The following FEM1C variants were observed in gnomAD, a reference collection of about 807,000 sequenced individuals.
The protein encoded by FEM1C is protein fem-1 homolog C.
A neutral mutation model predicts 37.6 loss-of-function variants in FEM1C; 15 were observed. The ratio of observed to expected loss-of-function variants is 0.40; its 90% CI spans 0.27 to 0.61. The LOEUF (loss-of-function observed/expected upper bound fraction) is 0.61, where lower values mean the gene tolerates loss of function less well. Ranked by LOEUF, FEM1C falls within the 20% of genes least tolerant of loss-of-function variation. The pLI is 0.42. For synonymous variants in FEM1C, 287 were observed against 272.8 expected (o/e 1.05, Z -0.51); for missense variants, 532 against 749.7 (o/e 0.71, Z 3.39).
At chr5:115,530,455 A>G (rs1753990897) in intron 2 of FEM1C, among the ~76,000 whole-genome samples, 1 of 152,162 alleles carries the variant, frequency 6.6e-6, no homozygotes, top group Non-Finnish European at 1.5e-5. Context: ...ACATCTAAAC[A>G]TATCTTTCTC....
rs1309366127 is a variant in FEM1C at position 115,543,362 on chromosome 5, T to C, written c.132A>G (p.Pro44=). ...LISEKTNGAT[P]LLMAARYGHL... is the part of the protein sequence containing the mutation. ...GCCCATACCTGGCGGCCATCAAGAG[T>C]GGCGTGGCCCCATTTGTTTTTTCAG... is the stretch of plus-strand genomic sequence containing the variant. The change falls in exon 2 of 3, where the codon CCA becomes CCG. Residue 44 remains proline, a synonymous_variant. Coordinates refer to ENST00000274457, the MANE Select transcript of FEM1C (RefSeq NM_020177.3). The C allele has an allele frequency of 6.2e-7, 1 of 1,613,988 alleles. No individual in the cohort carries two copies. The highest frequency in any genetic ancestry group is 1.3e-5 in the African/African-American group (1 of 74,902).
rs1561556055 is a variant in FEM1C, at chr5:115,525,143, T to C, written c.1019A>G (p.Tyr340Cys). The change falls in exon 3 of 3, where the codon TAT (tyrosine) becomes TGT (cysteine). Residue 340 changes from tyrosine to cysteine, a missense_variant. Coordinates refer to ENST00000274457, the MANE Select transcript of FEM1C (RefSeq NM_020177.3). ...LGPSHPDTSY[Y>C]IRYRGAVYAD... ...ATAGACAGCGCCTCTATATCTAATA[T>C]AGTAAGAGGTATCAGGATGAGAAGG... 1.9e-6 allele frequency: 3 copies of C among 1,613,736 alleles called. No individual in the cohort carries two copies. The highest frequency in any genetic ancestry group is 1.1e-5 in the South Asian group (1 of 91,084).
intron 2 of FEM1C, among the ~76,000 whole-genome samples, chr5:115,542,577 AC>A (rs748264726): frequency 1.4e-4 from 21 of 146,866 alleles, no homozygotes; most frequent in African/African-American, 4.3e-4. Flanking sequence ...AAAAAAAAAA[AC>A]AAAACAAAAA....
chr5:115,532,304 C>G (rs1463991952), intron 2 of FEM1C, among the ~76,000 whole-genome samples: 1 of 152,066 alleles, frequency 6.6e-6, no homozygotes, highest in Non-Finnish European at 1.5e-5. Context: ...AACTAGCAAC[C>G]TGCTAAAGCT....
chr5:115,542,916 T>C, intron 2 of FEM1C, 34 bp downstream of exon 2: 2 of 1,582,706 alleles, frequency 1.3e-6, no homozygotes, highest in Non-Finnish European at 1.7e-6. Context: ...AAATAAGTGG[T>C]AGACATTTAG....
intron 2 of FEM1C, among the ~76,000 whole-genome samples, chr5:115,537,159 A>C (rs1754146171): frequency 6.6e-6 from 1 of 152,032 alleles, no homozygotes; most frequent in African/African-American, 2.4e-5. Context: ...GTCTCTCCCT[A>C]TCTCTTCCAC....
intron 2 of FEM1C, among the ~76,000 whole-genome samples, chr5:115,527,933 G>A (rs1309610793): frequency 6.6e-6 from 1 of 150,736 alleles, no homozygotes; most frequent in Non-Finnish European, 1.5e-5. Context: ...CCTGGGAGGT[G>A]GAGGTTGCAG....
At chr5:115,526,881 C>A (rs1373334938) in intron 2 of FEM1C, among the ~76,000 whole-genome samples, 1 of 152,052 alleles carries the variant, frequency 6.6e-6, no homozygotes, top group Admixed American at 6.6e-5. Flanking sequence ...GCAGTTTATG[C>A]TGAATGTCTG....
intron 2 of FEM1C, among the ~76,000 whole-genome samples, chr5:115,531,997 T>G (rs1754025704): frequency 6.6e-6 from 1 of 152,106 alleles, no homozygotes; most frequent in South Asian, 2.1e-4. Context: ...CCTCTATGCC[T>G]CTGTTCTTGA....
Position 115,524,231 on chromosome 5 carries a change from G to A in FEM1C, c.*77C>T, listed in dbSNP as rs1753834796. ...TCAATCAAGCTAAATGAATGCTGGT[G>A]TTATCACAACAGTGCTCATTTATGA... is the stretch of plus-strand genomic sequence containing the variant. On this transcript the variant is annotated 3_prime_UTR_variant, in exon 3 of 3. Coordinates refer to ENST00000274457, the MANE Select transcript of FEM1C (RefSeq NM_020177.3). 3 of 1,169,924 alleles carry A rather than the reference G, an allele frequency of 2.6e-6. No individual in the cohort carries two copies. Among genetic ancestry groups the A allele is most frequent in the Non-Finnish European group, 3.8e-6 (3 of 799,590 alleles). The allele number at this position is 1,169,924 out of a possible 1,614,324, so 72.5% of individuals were successfully genotyped here.
intron 2 of FEM1C, among the ~76,000 whole-genome samples, chr5:115,533,788 T>C (rs147090462): frequency 3.0e-4 from 46 of 151,684 alleles, no homozygotes; most frequent in African/African-American, 1.1e-3. Context: ...TGAGATGAAA[T>C]TAAGGATATG....
At position 115,524,895 on chromosome 5, in the gene FEM1C, C is replaced by G. The variant is rs773394527; in HGVS notation, c.1267G>C (p.Glu423Gln). Residue 423 changes from glutamate to glutamine, a missense_variant, in exon 3 of 3, where the codon GAG (glutamate) becomes CAG (glutamine). This residue lies in a region of FEM1C where 237 missense variants were observed against 260.5 expected (regional missense o/e 0.91). Transcript: ENST00000274457. The stretch of plus-strand genomic sequence containing the variant: ...CACTGAGTTTGTTTGATAGCTCGCT[C>G]TATTTCAAGGACGCTTTTGCAAAGT... Reference protein sequence around the residue: ...GILCKSVLEIERAIKQTQCPA... With the variant: ...GILCKSVLEIQRAIKQTQCPA... The G allele has an allele frequency of 9.3e-6, 15 of 1,613,634 alleles. No individual in the cohort carries two copies. In the South Asian group the frequency reaches 1.6e-4, roughly 18 times the overall value.
rs1754282053 is a variant in FEM1C at position 115,543,371 on chromosome 5, C to T, written c.123G>A (p.Gly41=). 6.2e-7 allele frequency: 1 copy of T among 1,614,010 alleles called. No homozygotes were observed. The highest frequency in any genetic ancestry group is 1.1e-5 in the South Asian group (1 of 91,084). Reference sequence around the variant, plus strand: ...TGGCGGCCATCAAGAGTGGCGTGGCCCCATTTGTTTTTTCAGAGATCAAGG... The same window carrying T: ...TGGCGGCCATCAAGAGTGGCGTGGCTCCATTTGTTTTTTCAGAGATCAAGG... ...VSSLISEKTN[G]ATPLLMAARY... is the part of the protein sequence containing the mutation. The change falls in exon 2 of 3, where the codon GGG becomes GGA. Residue 41 remains glycine, a synonymous_variant. Coordinates refer to ENST00000274457, the MANE Select transcript of FEM1C (RefSeq NM_020177.3).
In FEM1C at chr5:115,543,026, T is replaced by C; in HGVS notation, c.468A>G (p.Ser156=). 6.2e-7 allele frequency: 1 copy of C among 1,614,264 alleles called. No homozygotes were observed. Among genetic ancestry groups the C allele is most frequent in the Non-Finnish European group, 8.5e-7 (1 of 1,180,050 alleles). Residue 156 remains serine (S), a synonymous_variant, in exon 2 of 3, where the codon TCA becomes TCG. Transcript: ENST00000274457. The part of the protein sequence containing the change: ...NRHGHTCLMI[S]CYKGHKEIAQ... ...CAATCTCTTTATGTCCTTTGTAACA[T>C]GAAATCATCAAGCACGTATGCCCAT...
chr5:115,529,079 C>T (rs897491129), intron 2 of FEM1C, among the ~76,000 whole-genome samples: 5 of 151,970 alleles, frequency 3.3e-5, no homozygotes, highest in Non-Finnish European at 1.5e-5. Flanking sequence ...ATATTGTTAA[C>T]ATACTCAAAA....
rs1753767537 is a variant in FEM1C, at chr5:115,521,229, C to G, written c.*3079G>C. 2 of 151,724 alleles carry G rather than the reference C, an allele frequency of 1.3e-5. No homozygotes were observed. Among genetic ancestry groups the G allele is most frequent in the South Asian group, 4.1e-4 (2 of 4,826 alleles). The allele number at this position is 151,724 out of a possible 1,614,324, so 9.4% of individuals were successfully genotyped here. ...ATGTCATTATCTCATCCAGCCTGCA[C>G]AATTCTAAGAAAATTAATTACAAAA... On this transcript the variant is annotated 3_prime_UTR_variant, in exon 3 of 3. Transcript: ENST00000274457.
At chr5:115,541,564 T>TATTC (rs1360058782) in intron 2 of FEM1C, among the ~76,000 whole-genome samples, 1 of 152,186 alleles carries the variant, frequency 6.6e-6, no homozygotes, top group Middle Eastern at 3.2e-3. Flanking sequence ...ATACTACAGT[T>TATTC]ATTCTCACAC....
At position 115,525,380 on chromosome 5, in the gene FEM1C, T is replaced by C; in HGVS notation, c.782A>G (p.Asp261Gly). 1 of 1,613,658 alleles carries C rather than the reference T, an allele frequency of 6.2e-7. No individual in the cohort carries two copies. Among genetic ancestry groups the C allele is most frequent in the South Asian group, 1.1e-5 (1 of 91,076 alleles). The change falls in exon 3 of 3, where the codon GAT becomes GGT. Residue 261 changes from aspartate (D) to glycine (G), a missense_variant. Coordinates refer to ENST00000274457, the MANE Select transcript of FEM1C (RefSeq NM_020177.3). ...CCAGTATTTCAAAGCCCCAAGCAGATCTCTTTTTTTGTCTACAAATGTAGC... is the reference window on the plus strand; with the variant it reads ...CCAGTATTTCAAAGCCCCAAGCAGACCTCTTTTTTTGTCTACAAATGTAGC... ...LGATFVDKKR[D>G]LLGALKYWKK...
intron 2 of FEM1C, among the ~76,000 whole-genome samples, chr5:115,532,572 A>C (rs765255704): frequency 4.0e-5 from 6 of 151,674 alleles, no homozygotes; most frequent in African/African-American, 7.3e-5. Context: ...TAAAGCAATT[A>C]TAACTTTTGT....
Sources: gnomAD v4.1 joint callset for allele counts (sites outside exome capture counted in the v4.1 genomes callset) on GRCh38, gnomAD v4.1.1 for gene constraint, gnomAD v4.1.1 regional missense constraint, MANE v1.5 for transcripts, NCBI Gene and HGNC (gene_info 2026-07-23, HGNC 2026-07-21) for gene names.